Variants in DCDC2C observed in about 807,000 individuals in gnomAD.
The protein encoded by DCDC2C is doublecortin domain-containing protein 2C.
A neutral mutation model predicts 45.0 loss-of-function variants in DCDC2C; 44 were observed. The ratio of observed to expected loss-of-function variants is 0.98; its 90% CI spans 0.77 to 1.26. The LOEUF (loss-of-function observed/expected upper bound fraction) is 1.26. DCDC2C is among the 50% of genes most tolerant of loss of function. DCDC2C has a pLI of 0.00. For synonymous variants in DCDC2C, 187 were observed against 178.8 expected (o/e 1.05, Z -0.37); for missense variants, 447 against 468.9 (o/e 0.95, Z 0.43).
chr2:3,703,820 C>T lies in DCDC2C; in HGVS notation c.69C>T (p.Asn23=), dbSNP rs1319756013. 1 of 1,263,740 alleles carries T rather than the reference C, an allele frequency of 7.9e-7. No individual in the cohort carries two copies. Among genetic ancestry groups the T allele is most frequent in the South Asian group, 3.0e-5 (1 of 33,354 alleles). The allele number at this position is 1,263,740 out of a possible 1,614,324, so 78.3% of individuals were successfully genotyped here. The change falls in exon 1 of 11, where the codon AAC becomes AAT. Residue 23 remains asparagine (N), a synonymous_variant. Transcript: ENST00000399143. The surrounding 1 kb of genome is among the most constrained non-coding windows in gnomAD (Gnocchi z 4.4). ...TPAKTIVVYR[N]GDPFYVGKKF... ...CCAAGACCATCGTGGTGTACCGCAA[C>T]GGGGACCCGTTCTACGTGGGCAAGA...
chr2:3,841,280 G>C (rs1672207814), intron 10 of DCDC2C, among the ~76,000 whole-genome samples: 1 of 150,114 alleles, frequency 6.7e-6, no homozygotes, highest in Non-Finnish European at 1.5e-5. Context: ...AACCAACAGA[G>C]CACACAGACG....
chr2:3,724,501 T>C (rs929128348), intron 2 of DCDC2C, among the ~76,000 whole-genome samples: 1 of 152,184 alleles, frequency 6.6e-6, no homozygotes, highest in Non-Finnish European at 1.5e-5. Context: ...CACAGTTCTG[T>C]TAATGAGGTA....
chr2:3,747,165 CAT>C (rs1443010021), intron 4 of DCDC2C, among the ~76,000 whole-genome samples: 6 of 152,330 alleles, frequency 3.9e-5, no homozygotes, highest in East Asian at 1.9e-4. Context: ...ACAGCACACA[CAT>C]GTGTGTTCCC....
chr2:3,800,788 C>T (rs566592461), intron 10 of DCDC2C, among the ~76,000 whole-genome samples: 1 of 125,356 alleles, frequency 8.0e-6, no homozygotes, highest in African/African-American at 2.5e-5. Context: ...TTTTCTCAAA[C>T]ACTGCAAGTG....
At chr2:3,719,157 C>T (rs1668426746) in intron 2 of DCDC2C, among the ~76,000 whole-genome samples, 1 of 152,042 alleles carries the variant, frequency 6.6e-6, no homozygotes, top group Non-Finnish European at 1.5e-5. Context: ...GCGATCTTGG[C>T]TCACTGCAAG....
intron 10 of DCDC2C, among the ~76,000 whole-genome samples, chr2:3,817,093 G>C (rs915675243): frequency 1.3e-5 from 2 of 152,192 alleles, no homozygotes; most frequent in East Asian, 3.9e-4. Flanking sequence ...GGGGAAGCAG[G>C]TGGGAGTGAC....
At chr2:3,724,750 G>A (rs1245837144) in intron 2 of DCDC2C, among the ~76,000 whole-genome samples, 1 of 152,162 alleles carries the variant, frequency 6.6e-6, no homozygotes, top group African/African-American at 2.4e-5. Flanking sequence ...GGCATGAAGA[G>A]TTACTACCAC....
chr2:3,725,709 GCAA>G lies in DCDC2C; in HGVS notation c.340-1293_340-1291del, dbSNP rs1558564964. ...CCAGGTGGATCCCAGAGGGAGATGAGCAAAGAGTGACGAGGCTGGCCAGGTGGA... is the reference window on the plus strand; with the variant it reads ...CCAGGTGGATCCCAGAGGGAGATGAGAGAGTGACGAGGCTGGCCAGGTGGA... On this transcript the variant is annotated intron_variant, in intron 2 of 10. Transcript: ENST00000399143. Among the ~76,000 whole-genome samples the G allele has an allele frequency of 9.0e-4, 135 of 150,230 alleles. 1 individual carries two copies. The highest frequency in any genetic ancestry group is 1.5e-3 in the African/African-American group (59 of 40,520).
intron 2 of DCDC2C, among the ~76,000 whole-genome samples, chr2:3,709,168 C>T (rs911884666): frequency 1.3e-5 from 2 of 152,150 alleles, no homozygotes; most frequent in Non-Finnish European, 2.9e-5. Flanking sequence ...TAGAATTTAA[C>T]ATAATTTTGA....
chr2:3,794,873 T>C lies in DCDC2C; in HGVS notation c.1065+9773T>C, dbSNP rs558478312. 3.2e-3 allele frequency among the ~76,000 whole-genome samples: 491 copies of C among 151,186 alleles called. 2 individuals are homozygous for C. The highest frequency in any genetic ancestry group is 5.4e-3 in the Non-Finnish European group (364 of 67,862). On this transcript the variant is annotated intron_variant, in intron 10 of 10. Coordinates refer to ENST00000399143, the MANE Select transcript of DCDC2C (RefSeq NM_001287444.2). ...AGCATGATTTATAGTCCTTTGGGTA[T>C]ATACCCAGTAATGGGATGGCTGGGT...
At chr2:3,799,748 G>C (rs2148200605) in intron 10 of DCDC2C, among the ~76,000 whole-genome samples, 1 of 152,398 alleles carries the variant, frequency 6.6e-6, no homozygotes. Flanking sequence ...GCTGTGTGCT[G>C]GGAGAACCAC....
At chr2:3,725,436 A>AGAG (rs1668621185) in intron 2 of DCDC2C, among the ~76,000 whole-genome samples, 4 of 103,348 alleles carry the variant, frequency 3.9e-5, no homozygotes, top group Admixed American at 1.1e-4. Flanking sequence ...TGGATCCCAG[A>AGAG]GGAAGACGAG....
intron 3 of DCDC2C, among the ~76,000 whole-genome samples, chr2:3,732,883 T>C (rs1273412571): frequency 6.6e-6 from 1 of 152,180 alleles, no homozygotes; most frequent in East Asian, 1.9e-4. Flanking sequence ...AGATTGGACT[T>C]TGGACATGTG....
At chr2:3,767,683 C>T (rs1572600524) in intron 6 of DCDC2C, 71 bp from the exon 7 acceptor site, 4 of 1,520,976 alleles carry the variant, frequency 2.6e-6, no homozygotes, top group Middle Eastern at 3.4e-4. Flanking sequence ...TGACCACACC[C>T]AGAGAACCTG....
chr2:3,766,145 G>A (rs1199422837), intron 6 of DCDC2C, among the ~76,000 whole-genome samples: 1 of 151,988 alleles, frequency 6.6e-6, no homozygotes, highest in Non-Finnish European at 1.5e-5. Flanking sequence ...GTGGGGGCTG[G>A]GTCACACCGT....
At chr2:3,821,068 G>A (rs982949149) in intron 10 of DCDC2C, among the ~76,000 whole-genome samples, 1 of 152,180 alleles carries the variant, frequency 6.6e-6, no homozygotes, top group African/African-American at 2.4e-5. Context: ...AAGGGAGATA[G>A]GGATGGGGCC....
In DCDC2C at chr2:3,818,519, G is replaced by A. The variant is rs1436856989; in HGVS notation, c.1066-28635G>A. Among the ~76,000 whole-genome samples the A allele has an allele frequency of 6.6e-6, 1 of 152,162 alleles. No homozygotes were observed. The highest frequency in any genetic ancestry group is 2.4e-5 in the African/African-American group (1 of 41,436). ...GGCAGATCCTGAACTAACATGTAAG[G>A]CTTGTCCAGTTTTTGGACAGGTACA... is the stretch of plus-strand genomic sequence containing the variant. On this transcript the variant is annotated intron_variant, in intron 10 of 10. Transcript: ENST00000399143. This position sits in a 1 kb window ranked among gnomAD's most constrained non-coding sequence, Gnocchi z 4.7.
At chr2:3,794,970 CAGTCCCA>C (rs1670916869) in intron 10 of DCDC2C, among the ~76,000 whole-genome samples, 1 of 152,034 alleles carries the variant, frequency 6.6e-6, no homozygotes, top group South Asian at 2.1e-4. Context: ...AACTAGTTTG[CAGTCCCA>C]CCAACAGTGT....
chr2:3,828,260 G>C (rs780035938), intron 10 of DCDC2C, among the ~76,000 whole-genome samples: 2 of 152,148 alleles, frequency 1.3e-5, no homozygotes, highest in Non-Finnish European at 2.9e-5. Flanking sequence ...TGGTGACAAA[G>C]GTGACAATAG....
Sources: gnomAD v4.1 joint callset for allele counts (sites outside exome capture counted in the v4.1 genomes callset) on GRCh38, gnomAD v4.1.1 for gene constraint, Gnocchi (gnomAD v3.1) non-coding constraint, MANE v1.5 for transcripts, NCBI Gene and HGNC (gene_info 2026-07-23, HGNC 2026-07-21) for gene names.